Variants in IMMP1L observed in about 807,000 individuals in gnomAD.
IMMP1L encodes the protein inner mitochondrial membrane peptidase subunit 1.
Under a neutral mutation model 21.8 loss-of-function variants are expected in IMMP1L, and 24 were observed. That is an observed-to-expected ratio of 1.10 (90% CI 0.80 to 1.55). The LOEUF (loss-of-function observed/expected upper bound fraction) is 1.55. Among genes scored for constraint, IMMP1L ranks in the 40% most tolerant of loss-of-function variants. The pLI is 0.00. For missense variants in IMMP1L, 195 were observed against 200.7 expected (o/e 0.97, Z 0.17); for synonymous variants, 46 against 62.8 (o/e 0.73, Z 1.26).
intron 1 of IMMP1L, among the ~76,000 whole-genome samples, chr11:31,465,837 T>C (rs1284972867): frequency 6.6e-6 from 1 of 151,732 alleles, no homozygotes; most frequent in Non-Finnish European, 1.5e-5. Flanking sequence ...ACTATAATAC[T>C]ATAGGGGAAA....
chr11:31,437,095 C>G, intron 4 of IMMP1L: 2 of 432,528 alleles, frequency 4.6e-6, no homozygotes, highest in South Asian at 3.3e-5. Flanking sequence ...AAAATTAAAG[C>G]AGGCATCTTT....
intron 1 of IMMP1L, among the ~76,000 whole-genome samples, chr11:31,487,069 T>A (rs1955102277): frequency 6.6e-6 from 1 of 151,730 alleles, no homozygotes; most frequent in African/African-American, 2.4e-5. Context: ...TGTTCCTGTA[T>A]CACTATATTT....
chr11:31,458,514 C>T (rs1381134906), intron 3 of IMMP1L, among the ~76,000 whole-genome samples: 1 of 152,008 alleles, frequency 6.6e-6, no homozygotes, highest in Non-Finnish European at 1.5e-5. Context: ...CATCCATGTG[C>T]TTTAGATACT....
At chr11:31,478,732 T>A (rs539366241) in intron 1 of IMMP1L, among the ~76,000 whole-genome samples, 1 of 152,142 alleles carries the variant, frequency 6.6e-6, no homozygotes, top group Non-Finnish European at 1.5e-5. Flanking sequence ...CTCTAACTCA[T>A]ACTTGTGCAA....
chr11:31,434,720 C>T (rs965345091), intron 4 of IMMP1L, among the ~76,000 whole-genome samples: 4 of 151,870 alleles, frequency 2.6e-5, no homozygotes, highest in African/African-American at 9.7e-5. Flanking sequence ...AAATATTTGC[C>T]AAAAATCTCC....
Position 31,448,107 on chromosome 11 carries a change from G to A in IMMP1L, c.321+8153C>T, listed in dbSNP as rs149681951. 3.9e-3 allele frequency among the ~76,000 whole-genome samples: 597 copies of A among 152,146 alleles called. 6 individuals are homozygous for A. Among genetic ancestry groups the A allele is most frequent in the African/African-American group, 0.013 (539 of 41,512 alleles). On this transcript the variant is annotated intron_variant, in intron 4 of 5. Transcript: ENST00000532287. ...GCAGATCACTTGAGGTCAGGAGTTC[G>A]AGACCAGCCTGCCCAATATGGTGAA... is the stretch of plus-strand genomic sequence containing the variant.
At chr11:31,455,016 A>C (rs1191976829) in intron 4 of IMMP1L, among the ~76,000 whole-genome samples, 1 of 152,238 alleles carries the variant, frequency 6.6e-6, no homozygotes, top group African/African-American at 2.4e-5. Context: ...GTTACCTGAC[A>C]GCACACTATC....
At chr11:31,441,453 T>C (rs1953326929) in intron 4 of IMMP1L, among the ~76,000 whole-genome samples, 1 of 151,956 alleles carries the variant, frequency 6.6e-6, no homozygotes, top group Admixed American at 6.6e-5. Flanking sequence ...AGTACTGTCA[T>C]CAAATCTACA....
At chr11:31,444,028 C>T (rs1216728415) in intron 4 of IMMP1L, among the ~76,000 whole-genome samples, 1 of 152,176 alleles carries the variant, frequency 6.6e-6, no homozygotes, top group Non-Finnish European at 1.5e-5. Flanking sequence ...CTCAATACCT[C>T]CATCTAGCCT....
intron 4 of IMMP1L, among the ~76,000 whole-genome samples, chr11:31,450,053 T>TA (rs1225866835): frequency 1.3e-5 from 2 of 152,100 alleles, no homozygotes; most frequent in African/African-American, 4.8e-5. Flanking sequence ...TTGAAAGACT[T>TA]AAAAAATGAT....
chr11:31,445,481 A>G (rs942069795), intron 4 of IMMP1L, among the ~76,000 whole-genome samples: 1 of 152,230 alleles, frequency 6.6e-6, no homozygotes, highest in Admixed American at 6.5e-5. Flanking sequence ...ATAGATTACC[A>G]GTAGAAAGGT....
chr11:31,433,840 T>C (rs1953016070), intron 4 of IMMP1L: 1 of 266,104 alleles, frequency 3.8e-6, no homozygotes, highest in Non-Finnish European at 7.1e-6. Context: ...CAAACTGAGG[T>C]TATAAGAGAT....
intron 4 of IMMP1L, among the ~76,000 whole-genome samples, chr11:31,439,596 G>A (rs951564949): frequency 5.9e-5 from 9 of 152,044 alleles, no homozygotes; most frequent in African/African-American, 1.9e-4. Context: ...TCACATATCT[G>A]GTAATTTCTG....
At chr11:31,436,240 A>G (rs1175243176) in intron 4 of IMMP1L, among the ~76,000 whole-genome samples, 1 of 152,170 alleles carries the variant, frequency 6.6e-6, no homozygotes, top group Non-Finnish European at 1.5e-5. Context: ...TTACTTTTAT[A>G]TCCATATGCT....
At chr11:31,507,976 C>T (rs543814046) in intron 1 of IMMP1L, among the ~76,000 whole-genome samples, 5 of 152,066 alleles carry the variant, frequency 3.3e-5, no homozygotes, top group African/African-American at 1.2e-4. Flanking sequence ...TTATATGTAG[C>T]ATTTCAAAAA....
At chr11:31,507,710 TTAGA>T (rs1955817829) in intron 1 of IMMP1L, among the ~76,000 whole-genome samples, 1 of 151,964 alleles carries the variant, frequency 6.6e-6, no homozygotes, top group African/African-American at 2.4e-5. Context: ...ATAATATCAG[TTAGA>T]TAGGAGGAAT....
At chr11:31,434,289 C>T (rs1384622925) in intron 4 of IMMP1L, among the ~76,000 whole-genome samples, 2 of 152,070 alleles carry the variant, frequency 1.3e-5, no homozygotes. Flanking sequence ...AAGATTTTTA[C>T]TCAGTGACAA....
intron 4 of IMMP1L, among the ~76,000 whole-genome samples, chr11:31,450,009 T>C (rs1453360190): frequency 2.0e-5 from 3 of 152,144 alleles, no homozygotes; most frequent in East Asian, 3.9e-4. Context: ...GCTACTATGG[T>C]TAAGACATGA....
At chr11:31,468,133 T>A (rs1266982862) in intron 1 of IMMP1L, among the ~76,000 whole-genome samples, 1 of 152,074 alleles carries the variant, frequency 6.6e-6, no homozygotes, top group African/African-American at 2.4e-5. Flanking sequence ...AAATCTTGAA[T>A]TGGATCCTGG....
Sources: gnomAD v4.1 joint callset for allele counts (sites outside exome capture counted in the v4.1 genomes callset) on GRCh38, gnomAD v4.1.1 for gene constraint, MANE v1.5 for transcripts, NCBI Gene and HGNC (gene_info 2026-07-23, HGNC 2026-07-21) for gene names.